Variants in CYP3A5 observed in about 807,000 individuals in gnomAD.
CYP3A5 encodes the protein cytochrome P450 family 3 subfamily A member 5.
Under a neutral mutation model 55.9 loss-of-function variants are expected in CYP3A5, and 51 were observed. The observed-to-expected ratio is 0.91, with a 90% CI of 0.73 to 1.15. CYP3A5 has a LOEUF of 1.15. Ranked by LOEUF, CYP3A5 falls within the 50% of genes most tolerant of loss-of-function variation. The pLI, the probability that CYP3A5 is intolerant of heterozygous loss-of-function variation, is 0.00. For missense variants in CYP3A5, 533 were observed against 596.6 expected, an observed-to-expected ratio of 0.89 and a Z score of 1.11; for synonymous variants, 196 against 213.9, an observed-to-expected ratio of 0.92 and a Z score of 0.73.
At chr7:99,668,050 A>G (rs187588913) in intron 4 of CYP3A5, among the ~76,000 whole-genome samples, 1 of 152,346 alleles carries the variant, frequency 6.6e-6, no homozygotes, top group East Asian at 1.9e-4. Context: ...AGGAATATAC[A>G]AAAAAATTTC....
chr7:99,671,908 C>T, intron 4 of CYP3A5: 2 of 699,898 alleles, frequency 2.9e-6, no homozygotes, highest in Non-Finnish European at 5.2e-6. Flanking sequence ...CTTAGAACTA[C>T]CCACACACAT....
At chr7:99,663,470 T>G (rs908044965) in intron 8 of CYP3A5, 42 of 990,118 alleles carry the variant, frequency 4.2e-5, no homozygotes, top group Non-Finnish European at 8.4e-6. Flanking sequence ...ACCTCAATTC[T>G]CAGAGAAGAC....
At chr7:99,672,925 A>G (rs753820514) in intron 3 of CYP3A5, 11 of 1,295,256 alleles carry the variant, frequency 8.5e-6, no homozygotes, top group South Asian at 2.1e-5. Context: ...ATTGAAAGAC[A>G]AAAGAGCTCT....
intron 6 of CYP3A5, 120 bp downstream of exon 6, chr7:99,666,481 A>G (rs1811032242): frequency 1.8e-6 from 2 of 1,101,414 alleles, no homozygotes; most frequent in Non-Finnish European, 2.7e-6. Context: ...TTGGAGTTGC[A>G]GCGCTGCCCT....
chr7:99,665,980 A>G (rs1225876576), intron 6 of CYP3A5, among the ~76,000 whole-genome samples: 1 of 152,210 alleles, frequency 6.6e-6, no homozygotes, highest in Non-Finnish European at 1.5e-5. Context: ...CTGAGTGACC[A>G]CATGTCCCAA....
intron 4 of CYP3A5, among the ~76,000 whole-genome samples, chr7:99,667,896 A>G (rs898871989): frequency 6.6e-6 from 1 of 152,168 alleles, no homozygotes; most frequent in South Asian, 2.1e-4. Flanking sequence ...AAAAATGCCC[A>G]CTCTCAACAT....
At chr7:99,674,646 A>C (rs1188453414) in intron 2 of CYP3A5, 61 bp from the exon 3 acceptor site, 2 of 1,437,012 alleles carry the variant, frequency 1.4e-6, no homozygotes, top group African/African-American at 2.9e-5. Flanking sequence ...CCCTACCTCT[A>C]ATTGGGGCTG....
Position 99,672,764 on chromosome 7 carries a change from TTA to T in CYP3A5, c.219-87_219-86del, listed in dbSNP as rs878901792. 124 of 1,598,862 alleles carry T rather than the reference TTA, an allele frequency of 7.8e-5. No individual in the cohort carries two copies. In the South Asian group the frequency reaches 1.2e-3, roughly 15 times the overall value. On this transcript the variant is annotated intron_variant, in intron 3 of 12. Coordinates refer to ENST00000222982, the MANE Select transcript of CYP3A5 (RefSeq NM_000777.5). Reference sequence around the variant, plus strand: ...CACCCAGGAAGCCAGACTTTGATCATTATGTTATGTAATCCATACCCCTAGTT... The same window carrying T: ...CACCCAGGAAGCCAGACTTTGATCATTGTTATGTAATCCATACCCCTAGTT...
intron 10 of CYP3A5, among the ~76,000 whole-genome samples, chr7:99,657,455 T>A (rs184995463): frequency 3.9e-5 from 6 of 152,360 alleles, no homozygotes; most frequent in Non-Finnish European, 7.3e-5. Flanking sequence ...AGACAGTTTG[T>A]TATAATGTCT....
At chr7:99,650,569 A>T (rs1809073757) in intron 11 of CYP3A5, among the ~76,000 whole-genome samples, 1 of 152,234 alleles carries the variant, frequency 6.6e-6, no homozygotes, top group Non-Finnish European at 1.5e-5. Context: ...TGATGGATGG[A>T]AAAGTGGATT....
chr7:99,660,397 C>G, intron 10 of CYP3A5, 102 bp downstream of exon 10: 1 of 1,482,410 alleles, frequency 6.7e-7, no homozygotes, highest in Non-Finnish European at 8.9e-7. Flanking sequence ...GTGAAGGAAT[C>G]AGTGATTATG....
At chr7:99,656,747 C>T (rs2151380850) in intron 10 of CYP3A5, among the ~76,000 whole-genome samples, 1 of 152,260 alleles carries the variant, frequency 6.6e-6, no homozygotes, top group Middle Eastern at 3.4e-3. Context: ...TAATTATTGC[C>T]TCAATTTCAG....
In CYP3A5 at chr7:99,660,642, G is replaced by C; in HGVS notation, c.883C>G (p.Leu295Val). The part of the protein sequence containing the change: ...ESHKALSDLE[L>V]AAQSIIFIFA... Reference sequence around the variant, plus strand: ...ATGAAGATTATTGACTGGGCTGCGAGCTCCAGATCAGACAGAGCTGAAAGG... The same window carrying C: ...ATGAAGATTATTGACTGGGCTGCGACCTCCAGATCAGACAGAGCTGAAAGG... Residue 295 changes from leucine to valine, a missense_variant, in exon 10 of 13, where the codon CTC becomes GTC. Transcript: ENST00000222982. The C allele has an allele frequency of 6.2e-7, 1 of 1,613,878 alleles. No individual in the cohort carries two copies. The highest frequency in any genetic ancestry group is 8.5e-7 in the Non-Finnish European group (1 of 1,179,858).
At chr7:99,663,191 G>T in intron 8 of CYP3A5, 2 of 1,108,090 alleles carry the variant, frequency 1.8e-6, no homozygotes, top group Non-Finnish European at 2.2e-6. Flanking sequence ...TTCCATCTCT[G>T]GTCATAACTG....
intron 3 of CYP3A5, 139 bp from the exon 4 acceptor site, chr7:99,672,818 T>C: frequency 6.7e-7 from 1 of 1,492,070 alleles, no homozygotes; most frequent in Non-Finnish European, 8.9e-7. Context: ...CCTTAGGTTC[T>C]AGTTCATTAG....
intron 1 of CYP3A5, chr7:99,677,365 A>C: frequency 2.0e-6 from 1 of 491,494 alleles, no homozygotes; most frequent in Non-Finnish European, 2.6e-6. Flanking sequence ...GATGATGTGC[A>C]TAAAAGAATC....
chr7:99,672,474 T>G, intron 4 of CYP3A5, 106 bp downstream of exon 4: 1 of 965,066 alleles, frequency 1.0e-6, no homozygotes, highest in East Asian at 2.4e-5. Context: ...CATGGAACCT[T>G]CCTGTACATT....
At chr7:99,665,377 G>C in intron 6 of CYP3A5, 63 bp from the exon 7 acceptor site, 1 of 1,592,842 alleles carries the variant, frequency 6.3e-7, no homozygotes, top group Non-Finnish European at 8.6e-7. Context: ...CACTATACAT[G>C]CAGCAAGAAA....
In CYP3A5 at chr7:99,652,703, G is replaced by A; in HGVS notation, c.1103C>T (p.Pro368Leu). The change falls in exon 11 of 13, where the codon CCA (proline) becomes CTA (leucine). Residue 368 changes from proline to leucine, a missense_variant. Pro to Leu is a moderately conservative substitution (Grantham distance 98, BLOSUM62 -3). Coordinates refer to ENST00000222982, the MANE Select transcript of CYP3A5 (RefSeq NM_000777.5). ...MVVNETLRLF[P>L]VAIRLERTCK... Reference sequence around the variant, plus strand: ...AGTCCTCTCAAGTCTAATAGCAACTGGGAATAATCTGAGTGTTTCATTCAC... The same window carrying A: ...AGTCCTCTCAAGTCTAATAGCAACTAGGAATAATCTGAGTGTTTCATTCAC... The A allele has an allele frequency of 6.2e-7, 1 of 1,614,090 alleles. No homozygotes were observed. The highest frequency in any genetic ancestry group is 8.5e-7 in the Non-Finnish European group (1 of 1,179,998).
Sources: allele counts gnomAD v4.1 joint callset (sites outside exome capture counted in the v4.1 genomes callset), GRCh38; gene constraint gnomAD v4.1.1; transcripts MANE v1.5; gene names NCBI Gene and HGNC (gene_info 2026-07-23, HGNC 2026-07-21).